The following BMPR1A variants were observed in gnomAD, a reference collection of about 807,000 sequenced individuals.
The protein encoded by BMPR1A is bone morphogenetic protein receptor type-1A.
In BMPR1A, 7 loss-of-function variants were observed where a neutral mutation model predicts 66.0. The ratio of observed to expected loss-of-function variants is 0.11; its 90% confidence interval spans 0.06 to 0.20. The LOEUF is 0.20. Among genes scored for constraint, BMPR1A ranks in the 10% least tolerant of loss-of-function variants. The pLI is 1.00. For missense variants in BMPR1A, 408 were observed against 669.1 expected (o/e 0.61, Z 4.31); for synonymous variants, 200 against 229.7 (o/e 0.87, Z 1.17).
intron 1 of BMPR1A, among the ~76,000 whole-genome samples, chr10:86,772,362 C>A (rs1021179728): frequency 1.3e-5 from 2 of 151,752 alleles, no homozygotes; most frequent in African/African-American, 4.8e-5. Flanking sequence ...GATCTCCTGA[C>A]CTCATGATCT....
rs894358334 is a variant in BMPR1A, at chr10:86,763,793, T to G, written c.-268+6874T>G. ...TCTGTAGGAGACTTGGATAGTTGTT[T>G]TTTTTTTTTTTTTTTTGAGACGGAG... On this transcript the variant is annotated intron_variant, in intron 1 of 12. Coordinates refer to ENST00000372037, the MANE Select transcript of BMPR1A (RefSeq NM_004329.3). 1.2e-3 allele frequency among the ~76,000 whole-genome samples: 179 copies of G among 147,972 alleles called. 2 individuals carry two copies. Among genetic ancestry groups the G allele is most frequent in the Middle Eastern group, 3.4e-3 (1 of 290 alleles).
intron 7 of BMPR1A, among the ~76,000 whole-genome samples, chr10:86,909,586 C>CA (rs776483639): frequency 0.061 from 6,676 of 110,180 alleles, 378 homozygotes; most frequent in African/African-American, 0.17. Context: ...GACCCTATCT[C>CA]AAAAAAAAAA....
intron 1 of BMPR1A, among the ~76,000 whole-genome samples, chr10:86,778,814 T>G (rs1841393919): frequency 6.6e-6 from 1 of 152,164 alleles, no homozygotes; most frequent in Non-Finnish European, 1.5e-5. Context: ...AGTTTCCACA[T>G]GAGTGAGAAC....
chr10:86,825,345 A>G (rs1188631722), intron 1 of BMPR1A, among the ~76,000 whole-genome samples: 3 of 152,172 alleles, frequency 2.0e-5, no homozygotes, highest in Admixed American at 2.0e-4. Context: ...TGAATTATAT[A>G]TAGTATAATT....
At chr10:86,795,957 G>GC (rs1357562595) in intron 1 of BMPR1A, among the ~76,000 whole-genome samples, 1 of 151,996 alleles carries the variant, frequency 6.6e-6, no homozygotes, top group African/African-American at 2.4e-5. Flanking sequence ...AACTTTCTTG[G>GC]CACAAAATGG....
At chr10:86,871,656 C>A (rs34846512) in intron 2 of BMPR1A, among the ~76,000 whole-genome samples, 1 of 151,872 alleles carries the variant, frequency 6.6e-6, no homozygotes, top group African/African-American at 2.4e-5. Flanking sequence ...ACAGAAAATA[C>A]AAAATTAGCC....
chr10:86,863,148 CTG>C (rs1437385882), intron 2 of BMPR1A, among the ~76,000 whole-genome samples: 4 of 151,770 alleles, frequency 2.6e-5, no homozygotes, highest in African/African-American at 9.7e-5. Context: ...TGGCTAATTT[CTG>C]TATTTTTAGT....
At chr10:86,905,866 T>G (rs1843378010) in intron 7 of BMPR1A, among the ~76,000 whole-genome samples, 1 of 152,070 alleles carries the variant, frequency 6.6e-6, no homozygotes, top group South Asian at 2.1e-4. Context: ...AAACATTTTC[T>G]GAATACCTAA....
intron 1 of BMPR1A, among the ~76,000 whole-genome samples, chr10:86,768,516 T>C (rs958338238): frequency 2.6e-5 from 4 of 152,156 alleles, no homozygotes; most frequent in Non-Finnish European, 5.9e-5. Context: ...TCAATTTGCA[T>C]AGAAGAGAAA....
At chr10:86,821,638 A>G (rs1842121406) in intron 1 of BMPR1A, among the ~76,000 whole-genome samples, 1 of 152,120 alleles carries the variant, frequency 6.6e-6, no homozygotes, top group African/African-American at 2.4e-5. Context: ...ACTTTATGCT[A>G]TTGCCCACAT....
intron 2 of BMPR1A, among the ~76,000 whole-genome samples, chr10:86,868,971 C>T (rs1241477907): frequency 3.9e-5 from 6 of 152,018 alleles, no homozygotes; most frequent in Non-Finnish European, 8.8e-5. Flanking sequence ...ATGCCCATTT[C>T]GTCTAACTAT....
intron 1 of BMPR1A, among the ~76,000 whole-genome samples, chr10:86,795,141 A>G (rs1841688224): frequency 6.7e-6 from 1 of 149,138 alleles, no homozygotes; most frequent in Non-Finnish European, 1.5e-5. Flanking sequence ...GTGAGCCACC[A>G]CTCCTGGCCT....
At chr10:86,804,286 G>C (rs1486542966) in intron 1 of BMPR1A, among the ~76,000 whole-genome samples, 1 of 152,116 alleles carries the variant, frequency 6.6e-6, no homozygotes, top group South Asian at 2.1e-4. Context: ...TGTCGCCCAG[G>C]CTGAAGTGCA....
At chr10:86,929,155 T>C (rs1357621739), downstream of BMPR1A, 2 of 152,190 alleles carry the variant, frequency 1.3e-5, no homozygotes, top group Non-Finnish European at 2.9e-5. Context: ...TACATAAATC[T>C]TTATTTTCTT....
chr10:86,919,565 C>T, intron 10 of BMPR1A, 96 bp downstream of exon 10: 1 of 1,499,768 alleles, frequency 6.7e-7, no homozygotes, highest in African/African-American at 1.4e-5. Context: ...TAAAAATGTG[C>T]ATATGCTTGT....
chr10:86,802,618 C>T (rs1841827612), intron 1 of BMPR1A, among the ~76,000 whole-genome samples: 1 of 151,144 alleles, frequency 6.6e-6, no homozygotes, highest in Non-Finnish European at 1.5e-5. Flanking sequence ...TCAGCTGGTG[C>T]AAGCTTGAGG....
intron 1 of BMPR1A, among the ~76,000 whole-genome samples, chr10:86,791,683 T>TCCTTCCTTCCTCCTTCCCTCCCTC (rs1283624885): frequency 1.1e-5 from 1 of 89,708 alleles, no homozygotes; most frequent in Admixed American, 1.1e-4. Flanking sequence ...CTTCTTTACT[T>TCCTTCCTTCCTCCTTCCCTCCCTC]CCTTCCTCCC....
At chr10:86,856,740 T>A (rs1842646894) in intron 2 of BMPR1A, among the ~76,000 whole-genome samples, 1 of 152,170 alleles carries the variant, frequency 6.6e-6, no homozygotes, top group South Asian at 2.1e-4. Context: ...AGGGTGCAGT[T>A]CCCAACGAGA....
intron 3 of BMPR1A, among the ~76,000 whole-genome samples, chr10:86,881,879 TAGAA>T (rs563344213): frequency 8.9e-4 from 136 of 152,316 alleles, no homozygotes; most frequent in Admixed American, 2.4e-3. Context: ...AATTGGAAAT[TAGAA>T]AGCAATTTAT....
Sources: gnomAD v4.1 joint callset for allele counts (sites outside exome capture counted in the v4.1 genomes callset) on GRCh38, gnomAD v4.1.1 for gene constraint, MANE v1.5 for transcripts, NCBI Gene and HGNC (gene_info 2026-07-23, HGNC 2026-07-21) for gene names.